The following INPP4B variants were observed in gnomAD, a reference collection of about 807,000 sequenced individuals.
INPP4B encodes the protein inositol polyphosphate-4-phosphatase type II B, also known as inositol polyphosphate 4-phosphatase type II.
A neutral mutation model predicts 122.5 loss-of-function variants in INPP4B; 55 were observed. The observed-to-expected ratio is 0.45, with a 90% CI of 0.36 to 0.56. The LOEUF (loss-of-function observed/expected upper bound fraction) is 0.56, where lower values mean the gene tolerates loss of function less well. Among genes scored for constraint, INPP4B ranks in the 20% least tolerant of loss-of-function variants. INPP4B has a pLI of 0.00. For synonymous variants in INPP4B, 403 were observed against 388.7 expected (o/e 1.04, Z -0.43); for missense variants, 1,000 against 1,097.7 (o/e 0.91, Z 1.26).
At chr4:142,449,075 A>G (rs1274776505) in intron 3 of INPP4B, among the ~76,000 whole-genome samples, 1 of 152,166 alleles carries the variant, frequency 6.6e-6, no homozygotes, top group Non-Finnish European at 1.5e-5. Context: ...TGGTTTTGCT[A>G]GCAATATTAA....
chr4:142,033,668 ATT>A (rs5862564), intron 25 of INPP4B, among the ~76,000 whole-genome samples: 10 of 129,464 alleles, frequency 7.7e-5, no homozygotes, highest in Non-Finnish European at 9.4e-5. Flanking sequence ...TCTCCATTTC[ATT>A]TTTTTTTTTT....
chr4:142,119,350 C>T (rs34087587), intron 21 of INPP4B, among the ~76,000 whole-genome samples: 80,982 of 152,012 alleles, frequency 0.53, 25,051 homozygotes, highest in Non-Finnish European at 0.68. Flanking sequence ...TGCACATGTA[C>T]GTTTGTTGCG....
At chr4:142,500,576 T>G (rs1352108460) in intron 2 of INPP4B, among the ~76,000 whole-genome samples, 1 of 152,208 alleles carries the variant, frequency 6.6e-6, no homozygotes, top group Non-Finnish European at 1.5e-5. Context: ...TTCCATTGCA[T>G]GTATATACAA....
chr4:142,220,419 T>C (rs1471403447), intron 12 of INPP4B, among the ~76,000 whole-genome samples: 1 of 152,256 alleles, frequency 6.6e-6, no homozygotes, highest in East Asian at 1.9e-4. Context: ...TTTCTAGTTA[T>C]TTAACAATTA....
At chr4:142,080,918 G>T (rs535479011) in intron 25 of INPP4B, among the ~76,000 whole-genome samples, 1 of 152,238 alleles carries the variant, frequency 6.6e-6, no homozygotes, top group East Asian at 1.9e-4. Flanking sequence ...TTTTTTGAAA[G>T]AAGTTTTTAT....
chr4:142,782,268 T>C (rs1774971435), intron 1 of INPP4B, among the ~76,000 whole-genome samples: 3 of 151,608 alleles, frequency 2.0e-5, no homozygotes, highest in Non-Finnish European at 4.4e-5. Flanking sequence ...TTACTGAGAA[T>C]GATGATTTCC....
At chr4:142,114,519 T>C (rs913420144) in intron 21 of INPP4B, among the ~76,000 whole-genome samples, 3 of 152,126 alleles carry the variant, frequency 2.0e-5, no homozygotes, top group East Asian at 3.9e-4. Flanking sequence ...TGAGGAATTA[T>C]GTTGAATATG....
intron 9 of INPP4B, among the ~76,000 whole-genome samples, chr4:142,304,708 C>T (rs1010572025): frequency 4.6e-5 from 7 of 152,008 alleles, no homozygotes; most frequent in African/African-American, 1.7e-4. Flanking sequence ...GTATTCTATG[C>T]AATTTTTGTA....
chr4:142,194,487 C>T (rs189248492), intron 14 of INPP4B, among the ~76,000 whole-genome samples: 34 of 152,272 alleles, frequency 2.2e-4, no homozygotes, highest in African/African-American at 7.0e-4. Flanking sequence ...ACAGCTTTCT[C>T]AAAGGCTCAA....
intron 23 of INPP4B, among the ~76,000 whole-genome samples, chr4:142,093,532 C>G (rs1050899956): frequency 2.0e-5 from 3 of 152,160 alleles, no homozygotes; most frequent in African/African-American, 7.2e-5. Flanking sequence ...CTTTCACTGC[C>G]TACTCTGGTG....
At chr4:142,615,242 TGGTTTTATACATTTTAGAAAGGGAGGA>T (rs554658301) in intron 2 of INPP4B, among the ~76,000 whole-genome samples, 2 of 152,282 alleles carry the variant, frequency 1.3e-5, no homozygotes, top group South Asian at 2.1e-4. Context: ...GACTGCACTT[TGGTTTTATACATTTTAGAAAGGGAGGA>T]GGTTTTATAC....
At chr4:142,515,872 T>G (rs534693630) in intron 2 of INPP4B, among the ~76,000 whole-genome samples, 1 of 152,330 alleles carries the variant, frequency 6.6e-6, no homozygotes, top group East Asian at 1.9e-4. Context: ...AATGCTTGTT[T>G]TATTGGAAAT....
intron 1 of INPP4B, among the ~76,000 whole-genome samples, chr4:142,822,044 T>G (rs1334884238): frequency 6.6e-6 from 1 of 152,152 alleles, no homozygotes; most frequent in East Asian, 1.9e-4. Context: ...TCCAGCTGCC[T>G]TACAAGGAAG....
chr4:142,062,043 G>A (rs902818921), intron 25 of INPP4B, among the ~76,000 whole-genome samples: 3 of 151,774 alleles, frequency 2.0e-5, no homozygotes, highest in Admixed American at 6.6e-5. Context: ...AGTCTTGCAA[G>A]TATGCTAAAT....
intron 2 of INPP4B, among the ~76,000 whole-genome samples, chr4:142,506,683 G>A (rs1409362082): frequency 2.2e-4 from 34 of 152,140 alleles, no homozygotes; most frequent in Non-Finnish European, 2.9e-5. Context: ...TTCTTACTGT[G>A]GGTCAGGGGA....
intron 7 of INPP4B, among the ~76,000 whole-genome samples, chr4:142,324,066 A>T (rs1406751798): frequency 6.6e-6 from 1 of 152,158 alleles, no homozygotes; most frequent in African/African-American, 2.4e-5. Context: ...TTAGGGTGCT[A>T]ATCCAATGTA....
intron 12 of INPP4B, among the ~76,000 whole-genome samples, chr4:142,234,579 C>T (rs1023652756): frequency 6.6e-6 from 1 of 152,070 alleles, no homozygotes; most frequent in Non-Finnish European, 1.5e-5. Flanking sequence ...AAATGTTAAA[C>T]ATTAATTGTT....
chr4:142,111,408 G>A (rs548665174), intron 22 of INPP4B, among the ~76,000 whole-genome samples: 1 of 152,036 alleles, frequency 6.6e-6, no homozygotes, highest in Non-Finnish European at 1.5e-5. Flanking sequence ...GTGCAATGGT[G>A]CAATCTCAGC....
chr4:142,750,760 GTAAC>G (rs1769565934), intron 1 of INPP4B, among the ~76,000 whole-genome samples: 1 of 152,080 alleles, frequency 6.6e-6, no homozygotes, highest in African/African-American at 2.4e-5. Flanking sequence ...TGAATGCTGA[GTAAC>G]TAACTCTTAA....
Sources: allele counts gnomAD v4.1 joint callset (sites outside exome capture counted in the v4.1 genomes callset), GRCh38; gene constraint gnomAD v4.1.1; transcripts MANE v1.5; gene names NCBI Gene and HGNC (gene_info 2026-07-23, HGNC 2026-07-21).